Variants in HIF3A observed in about 807,000 individuals in gnomAD.
The protein encoded by HIF3A is hypoxia inducible factor 3 subunit alpha.
HIF3A carries 41 observed loss-of-function variants against 67.2 expected under a neutral mutation model. That is an observed-to-expected ratio of 0.61 (90% CI 0.48 to 0.79). The LOEUF is 0.79. Ranked by LOEUF, HIF3A falls within the 30% of genes least tolerant of loss-of-function variation. The pLI is 0.00. For missense variants in HIF3A, 855 were observed against 898.0 expected (o/e 0.95, Z 0.61); for synonymous variants, 356 against 374.8 (o/e 0.95, Z 0.58).
chr19:46,330,815 C>G (rs1187549718), intron 12 of HIF3A, among the ~76,000 whole-genome samples: 1 of 131,468 alleles, frequency 7.6e-6, no homozygotes, highest in African/African-American at 2.9e-5. Context: ...TGGTGGATGG[C>G]TGGCAGACAG....
chr19:46,338,279 G>A (rs111536232), intron 14 of HIF3A: 72 of 453,806 alleles, frequency 1.6e-4, no homozygotes, highest in African/African-American at 1.0e-3. Flanking sequence ...ACAGCTCACC[G>A]CAGCCTCGAC....
rs112839120 is a variant in HIF3A, at chr19:46,312,712, GGT to G, written c.1025+83_1025+84del. 7.9e-3 allele frequency: 11,082 copies of G among 1,395,064 alleles called. 66 individuals are homozygous for G. Among genetic ancestry groups the G allele is most frequent in the East Asian group, 0.044 (1,585 of 35,938 alleles). 86.4% of individuals were successfully genotyped at this position (1,395,064 alleles called of 1,614,324 possible). A position where few individuals can be genotyped will look rare whatever the true frequency, so the allele number is the denominator to read the frequency against. On this transcript the variant is annotated intron_variant, in intron 8 of 14. Coordinates refer to ENST00000377670, the MANE Select transcript of HIF3A (RefSeq NM_152795.4). The stretch of plus-strand genomic sequence containing the variant: ...TGGGCCTGATCTGCATGTGTGGACA[GGT>G]GTGTGTGTGTGTGTGTGTGTGTGCG...
At chr19:46,298,541 C>T in intron 1 of HIF3A, 1 of 1,251,246 alleles carries the variant, frequency 8.0e-7, no homozygotes, top group Non-Finnish European at 1.0e-6. Flanking sequence ...CACCTCCTTT[C>T]CCCCTTCCCT....
intron 8 of HIF3A, chr19:46,313,393 G>T: frequency 1.2e-6 from 1 of 831,432 alleles, no homozygotes; most frequent in Non-Finnish European, 1.4e-6. Flanking sequence ...GAGGCCAGGG[G>T]AGGAGGATTG....
chr19:46,301,618 G>A (rs991214926), intron 1 of HIF3A, among the ~76,000 whole-genome samples: 1 of 152,114 alleles, frequency 6.6e-6, no homozygotes, highest in Non-Finnish European at 1.5e-5. Context: ...TTGAGGTCAA[G>A]AGTTCGAGAG....
At position 46,329,368 on chromosome 19, in the gene HIF3A, C is replaced by T. The variant is rs749518429; in HGVS notation, c.1602C>T (p.Ala534=). 4 of 1,612,542 alleles carry T rather than the reference C, an allele frequency of 2.5e-6. No homozygotes were observed. Among genetic ancestry groups the T allele is most frequent in the Non-Finnish European group, 3.4e-6 (4 of 1,179,568 alleles). The change falls in exon 12 of 15, where the codon GCC becomes GCT. Residue 534 remains alanine (A), a synonymous_variant. Transcript: ENST00000377670. Reference sequence around the variant, plus strand: ...GCTTCCATGGCCTGTCACCTCCAGCCCTTGAGCCCTCCCTGCTACCCCGCT... The same window carrying T: ...GCTTCCATGGCCTGTCACCTCCAGCTCTTGAGCCCTCCCTGCTACCCCGCT... The part of the protein sequence containing the change: ...ARSFHGLSPP[A]LEPSLLPRWG...
chr19:46,298,211 C>G lies in HIF3A; in HGVS notation c.26+1109C>G, dbSNP rs1387209355. The G allele has an allele frequency of 2.4e-5, 8 of 334,944 alleles. 2 individuals carry two copies. The highest frequency in any genetic ancestry group is 1.2e-4 in the Admixed American group (3 of 24,890). The allele number at this position is 334,944 out of a possible 1,614,324, so 20.7% of individuals were successfully genotyped here. A position where few individuals can be genotyped will look rare whatever the true frequency, so the allele number is the denominator to read the frequency against. On this transcript the variant is annotated intron_variant, in intron 1 of 14. Transcript: ENST00000377670. ...TGCACACCCCATGTTTCTAACCGCC[C>G]CCATCCTCTCCCCTGTCCCCTACTC...
chr19:46,319,855 G>A (rs564276259), intron 8 of HIF3A, among the ~76,000 whole-genome samples: 7 of 152,220 alleles, frequency 4.6e-5, no homozygotes, highest in African/African-American at 1.7e-4. Context: ...CCCAGGCTGT[G>A]CTAAATGCCA....
At chr19:46,300,211 ATCC>A (rs1456634351) in intron 1 of HIF3A, among the ~76,000 whole-genome samples, 1 of 152,138 alleles carries the variant, frequency 6.6e-6, no homozygotes, top group Non-Finnish European at 1.5e-5. Flanking sequence ...CTGTTATTTA[ATCC>A]TCCTTTTAAG....
intron 12 of HIF3A, among the ~76,000 whole-genome samples, chr19:46,330,863 G>T (rs1230649807): frequency 1.3e-5 from 2 of 151,884 alleles, no homozygotes; most frequent in African/African-American, 4.8e-5. Flanking sequence ...TGGATGGATG[G>T]ATGGGTGGTG....
Position 46,308,711 on chromosome 19 carries a change from T to C in HIF3A, c.497T>C (p.Leu166Ser). Residue 166 changes from leucine (L) to serine (S), a missense_variant, in exon 5 of 15, where the codon TTG becomes TCG. Leu to Ser is a moderately radical substitution (Grantham distance 145, BLOSUM62 -2). Coordinates refer to ENST00000377670, the MANE Select transcript of HIF3A (RefSeq NM_152795.4). ...VEAPTERCFS[L>S]RMKSTLTSRG... ...GCCCCCACGGAGCGGTGCTTCTCCT[T>C]GCGCATGAAGAGTACACTCACCAGC... is the stretch of plus-strand genomic sequence containing the variant. The C allele has an allele frequency of 6.2e-7, 1 of 1,611,478 alleles. No individual in the cohort carries two copies. Among genetic ancestry groups the C allele is most frequent in the South Asian group, 1.1e-5 (1 of 90,610 alleles).
At chr19:46,316,991 G>T (rs1224788716) in intron 8 of HIF3A, among the ~76,000 whole-genome samples, 1 of 152,094 alleles carries the variant, frequency 6.6e-6, no homozygotes, top group Admixed American at 6.6e-5. Context: ...CATGCAGGCT[G>T]GAGAGCCGTG....
intron 1 of HIF3A, chr19:46,298,232 T>G: frequency 3.2e-6 from 1 of 313,092 alleles, no homozygotes; most frequent in Non-Finnish European, 6.2e-6. Flanking sequence ...CCCTGTCCCC[T>G]ACTCTATTCC....
At chr19:46,326,032 T>G (rs1354711468) in intron 11 of HIF3A, among the ~76,000 whole-genome samples, 1 of 152,256 alleles carries the variant, frequency 6.6e-6, no homozygotes, top group Non-Finnish European at 1.5e-5. Context: ...ACATGGTGAC[T>G]GAATATCAGA....
chr19:46,313,937 C>T (rs1969703965), intron 8 of HIF3A, among the ~76,000 whole-genome samples: 1 of 151,482 alleles, frequency 6.6e-6, no homozygotes, highest in African/African-American at 2.4e-5. Context: ...GTTGGGATTA[C>T]AGGCATGAGC....
At chr19:46,318,614 T>TTTTA (rs545980944) in intron 8 of HIF3A, among the ~76,000 whole-genome samples, 56 of 150,294 alleles carry the variant, frequency 3.7e-4, no homozygotes, top group African/African-American at 1.2e-3. Flanking sequence ...TTAAATTTCA[T>TTTTA]TTTATTTATT....
At chr19:46,339,278 A>G (rs867663485) in intron 14 of HIF3A, among the ~76,000 whole-genome samples, 1,605 of 152,366 alleles carry the variant, frequency 0.011, 34 homozygotes, top group African/African-American at 0.036. Flanking sequence ...CAATAAAAAA[A>G]AAGTACAAAA....
intron 7 of HIF3A, 70 bp downstream of exon 7, chr19:46,312,337 A>T (rs1396532091): frequency 1.2e-6 from 2 of 1,607,086 alleles, no homozygotes; most frequent in Non-Finnish European, 1.7e-6. Context: ...AGGACCCCCC[A>T]GCTCCCCATA....
chr19:46,319,233 T>C (rs982379296), intron 8 of HIF3A, among the ~76,000 whole-genome samples: 37 of 152,282 alleles, frequency 2.4e-4, no homozygotes, highest in African/African-American at 8.7e-4. Flanking sequence ...TGTGCTTGTA[T>C]CTTTCAGGGG....
Sources: allele counts gnomAD v4.1 joint callset (sites outside exome capture counted in the v4.1 genomes callset), GRCh38; gene constraint gnomAD v4.1.1; transcripts MANE v1.5; gene names NCBI Gene and HGNC (gene_info 2026-07-23, HGNC 2026-07-21).